Variants in CDKN2A observed in about 807,000 individuals in gnomAD.
CDKN2A encodes cyclin-dependent kinase inhibitor 2A.
Under a neutral mutation model 11.1 loss-of-function variants are expected in CDKN2A, and 3 were observed. That is an observed-to-expected ratio of 0.27 (90% CI 0.12 to 0.70). The LOEUF is 0.70. Among genes scored for constraint, CDKN2A ranks in the 30% least tolerant of loss-of-function variants. CDKN2A has a pLI of 0.77. For synonymous variants in CDKN2A, 122 were observed against 108.1 expected (o/e 1.13, Z -0.80); for missense variants, 265 against 233.6 (o/e 1.13, Z -0.88).
chr9:21,974,802 A>C lies in CDKN2A; in HGVS notation c.26T>G (p.Met9Arg), dbSNP rs145445140. 7 of 1,604,276 alleles carry C rather than the reference A, an allele frequency of 4.4e-6. No individual in the cohort carries two copies. The Admixed American group carries it at 5.0e-5, about 12-fold the overall frequency. Residue 9 changes from methionine to arginine, a missense_variant, in exon 1 of 3, where the codon ATG (methionine) becomes AGG (arginine). By Grantham distance (91) the Met-to-Arg change is moderately conservative. Transcript: ENST00000304494. This position sits in a 1 kb window ranked among gnomAD's most constrained non-coding sequence, Gnocchi z 5.2. Reference protein sequence around the residue: MEPAAGSSMEPSADWLATA... With the variant: MEPAAGSSREPSADWLATA... ...GGCCAGCCAGTCAGCCGAAGGCTCC[A>C]TGCTGCTCCCCGCCGCCGGCTCCAT... is the stretch of plus-strand genomic sequence containing the variant.
intron 2 of CDKN2A, among the ~76,000 whole-genome samples, chr9:21,969,003 T>G (rs960325470): frequency 6.6e-6 from 1 of 152,234 alleles, no homozygotes; most frequent in Non-Finnish European, 1.5e-5. Flanking sequence ...TAGCTTGCAT[T>G]AGATTCTCCG....
chr9:21,986,306 C>T (rs1820295953), intron 2 of CDKN2A, among the ~76,000 whole-genome samples: 2 of 151,942 alleles, frequency 1.3e-5, no homozygotes, highest in Admixed American at 6.6e-5. Context: ...TATGTACAGT[C>T]ATATGAGAAT....
chr9:21,986,167 G>A (rs1343948479), intron 2 of CDKN2A, among the ~76,000 whole-genome samples: 1 of 152,012 alleles, frequency 6.6e-6, no homozygotes, highest in Non-Finnish European at 1.5e-5. Context: ...AAAAGAAATA[G>A]AATCTGCTCA....
chr9:21,993,790 C>T, intron 2 of CDKN2A: 1 of 338,890 alleles, frequency 3.0e-6, no homozygotes, highest in Non-Finnish European at 5.4e-6. Context: ...TTGAAATACA[C>T]CTTTCCTACT....
chr9:21,970,427 G>A (rs1214897680), intron 2 of CDKN2A: 1 of 354,510 alleles, frequency 2.8e-6, no homozygotes, highest in African/African-American at 2.1e-5. Flanking sequence ...GAGTTGTGCA[G>A]AAGAGCCGAG....
At chr9:21,987,876 T>C (rs1820338878) in intron 2 of CDKN2A, among the ~76,000 whole-genome samples, 1 of 152,196 alleles carries the variant, frequency 6.6e-6, no homozygotes, top group Admixed American at 6.5e-5. Flanking sequence ...CCACTTGTAT[T>C]AGTATCTCCT....
intron 2 of CDKN2A, chr9:21,992,027 G>A: frequency 2.0e-6 from 2 of 984,074 alleles, no homozygotes; most frequent in South Asian, 4.7e-5. Flanking sequence ...AATCAACTAT[G>A]GCAATTTTTC....
At chr9:21,982,938 C>G (rs571279731) in intron 2 of CDKN2A, among the ~76,000 whole-genome samples, 96 of 151,934 alleles carry the variant, frequency 6.3e-4, no homozygotes, top group African/African-American at 2.2e-3. Context: ...GTTCTCAGTT[C>G]TGTTTGAGAG....
At chr9:21,978,183 G>A (rs1820087299), upstream of CDKN2A, among the ~76,000 whole-genome samples, 1 of 149,076 alleles carries the variant, frequency 6.7e-6, no homozygotes, top group African/African-American at 2.5e-5. Flanking sequence ...TGAGTTGATG[G>A]GTGCAGCACA....
In CDKN2A at chr9:21,968,523, G is replaced by T; in HGVS notation, c.458-281C>A. The stretch of plus-strand genomic sequence containing the variant: ...AGAAAGCGCGACCGCGCGGCCCGCA[G>T]GGTTGCAAGAAGAAAACGAGTGTTA... On this transcript the variant is annotated intron_variant, in intron 2 of 2. Coordinates refer to ENST00000304494, the MANE Select transcript of CDKN2A (RefSeq NM_000077.5). The surrounding 1 kb of genome is among the most constrained non-coding windows in gnomAD (Gnocchi z 4.7). 1 of 1,450,866 alleles carries T rather than the reference G, an allele frequency of 6.9e-7. No individual in the cohort carries two copies. The highest frequency in any genetic ancestry group is 1.5e-5 in the South Asian group (1 of 68,540). The allele number at this position is 1,450,866 out of a possible 1,614,324, so 89.9% of individuals were successfully genotyped here. A position where few individuals can be genotyped will look rare whatever the true frequency, so the allele number is the denominator to read the frequency against.
At chr9:21,987,122 T>C (rs1266097507) in intron 2 of CDKN2A, among the ~76,000 whole-genome samples, 1 of 152,064 alleles carries the variant, frequency 6.6e-6, no homozygotes, top group Non-Finnish European at 1.5e-5. Flanking sequence ...TTTTAGTTTT[T>C]CTTATAATTG....
Position 21,971,127 on chromosome 9 carries a change from G to A in CDKN2A, c.232C>T (p.Leu78Phe), listed in dbSNP as rs1563889606. ...GCAGCGTCGTGCACGGGTCGGGTGA[G>A]AGTGGCGGGGTCGGCGCAGTTGGGC... Reference protein sequence around the residue: ...AEPNCADPATLTRPVHDAARE... With the variant: ...AEPNCADPATFTRPVHDAARE... Residue 78 changes from leucine to phenylalanine, a missense_variant, in exon 2 of 3, where the codon CTC becomes TTC. Coordinates refer to ENST00000304494, the MANE Select transcript of CDKN2A (RefSeq NM_000077.5). 2 of 1,597,970 alleles carry A rather than the reference G, an allele frequency of 1.3e-6. No homozygotes were observed. Among genetic ancestry groups the A allele is most frequent in the South Asian group, 2.2e-5 (2 of 90,508 alleles).
chr9:21,976,868 T>G (rs1345877622), upstream of CDKN2A, among the ~76,000 whole-genome samples: 2 of 152,250 alleles, frequency 1.3e-5, no homozygotes, highest in Non-Finnish European at 2.9e-5. Context: ...AGTTCTAATT[T>G]TTCCTGTGAC....
chr9:21,973,211 A>G (rs1819861063), intron 1 of CDKN2A, among the ~76,000 whole-genome samples: 1 of 152,240 alleles, frequency 6.6e-6, no homozygotes, highest in South Asian at 2.1e-4. Context: ...TATTTAAATC[A>G]TGATAGAAAT....
At chr9:21,985,071 C>A (rs1444770330) in intron 2 of CDKN2A, among the ~76,000 whole-genome samples, 1 of 151,950 alleles carries the variant, frequency 6.6e-6, no homozygotes, top group Non-Finnish European at 1.5e-5. Flanking sequence ...GCTTCCTATT[C>A]ATGTTTTAGC....
chr9:21,982,737 G>T (rs1820222147), intron 2 of CDKN2A, among the ~76,000 whole-genome samples: 1 of 151,962 alleles, frequency 6.6e-6, no homozygotes, highest in Non-Finnish European at 1.5e-5. Context: ...ATTAAAAGTT[G>T]CCAAGAAAAT....
Position 21,974,492 on chromosome 9 carries a change from G to T in CDKN2A, c.150+186C>A. ...GCGTGGCTCCTCATTCCTCTTCCTT[G>T]GCTTCCCAAGCCCCCAGGGCGTCGC... On this transcript the variant is annotated intron_variant, in intron 1 of 2. Coordinates refer to ENST00000304494, the MANE Select transcript of CDKN2A (RefSeq NM_000077.5). This position sits in a 1 kb window ranked among gnomAD's most constrained non-coding sequence, Gnocchi z 5.2. 6.2e-7 allele frequency: 1 copy of T among 1,612,798 alleles called. No homozygotes were observed.
chr9:21,991,587 C>T lies in CDKN2A; in HGVS notation c.-4+2295G>A. On this transcript the variant is annotated intron_variant, in intron 2 of 3. Transcript: ENST00000494262. The surrounding 1 kb of genome is among the most constrained non-coding windows in gnomAD (Gnocchi z 5.2). Reference sequence around the variant, plus strand: ...AGTATTTTTGATACCATTTGTATCACTTTAGTAATAGGAGTTTTTCATATG... The same window carrying T: ...AGTATTTTTGATACCATTTGTATCATTTTAGTAATAGGAGTTTTTCATATG... 1.1e-6 allele frequency: 1 copy of T among 906,268 alleles called. No homozygotes were observed. Among genetic ancestry groups the T allele is most frequent in the Non-Finnish European group, 1.3e-6 (1 of 757,830 alleles). The allele number at this position is 906,268 out of a possible 1,614,324, so 56.1% of individuals were successfully genotyped here. A position where few individuals can be genotyped will look rare whatever the true frequency, so the allele number is the denominator to read the frequency against.
chr9:21,967,928 T>A lies in CDKN2A; in HGVS notation c.*301A>T, dbSNP rs555853828. On this transcript the variant is annotated 3_prime_UTR_variant, in exon 3 of 3. Transcript: ENST00000304494. ...GGCTCGCAAGAAATGCCCACATGAA[T>A]GTGCGCTTAGGGCGTGAGTGCTCAC... 20 of 411,676 alleles carry A rather than the reference T, an allele frequency of 4.9e-5. No homozygotes were observed. Among genetic ancestry groups the A allele is most frequent in the African/African-American group, 3.2e-4 (16 of 50,442 alleles). The allele number at this position is 411,676 out of a possible 1,614,324, so 25.5% of individuals were successfully genotyped here.
Sources: gnomAD v4.1 joint callset for allele counts (sites outside exome capture counted in the v4.1 genomes callset) on GRCh38, gnomAD v4.1.1 for gene constraint, Gnocchi (gnomAD v3.1) non-coding constraint, MANE v1.5 for transcripts, NCBI Gene and HGNC (gene_info 2026-07-23, HGNC 2026-07-21) for gene names.